FCSK: variants seen among roughly 807,000 people sequenced by gnomAD.
The protein encoded by FCSK is L-fucose kinase.
In FCSK, 123 loss-of-function variants were observed where a neutral mutation model predicts 122.5. That is an observed-to-expected ratio of 1.00 (90% CI 0.87 to 1.17). The LOEUF (loss-of-function observed/expected upper bound fraction) is 1.17, where lower values mean the gene tolerates loss of function less well. Ranked by LOEUF, FCSK falls within the 50% of genes most tolerant of loss-of-function variation. The pLI, the probability that FCSK is intolerant of heterozygous loss-of-function variation, is 0.00. For synonymous variants in FCSK, 620 were observed against 625.5 expected, an observed-to-expected ratio of 0.99 and a Z score of 0.13; for missense variants, 1,366 against 1,450.4, an observed-to-expected ratio of 0.94 and a Z score of 0.95.
intron 13 of FCSK, among the ~76,000 whole-genome samples, chr16:70,472,227 C>T (rs2048648683): frequency 6.6e-6 from 1 of 152,140 alleles, no homozygotes; most frequent in South Asian, 2.1e-4. Flanking sequence ...GGTTCTGCTC[C>T]AGATTTCAGG....
rs756681841 is a variant in FCSK, at chr16:70,467,602, C to T, written c.582+131C>T. ...TGTTCCTGAATCCAAGGAGTTTCCT[C>T]CGTGGCAGTGGCACCAGTGCTCCCT... On this transcript the variant is annotated intron_variant, in intron 7 of 23. Transcript: ENST00000288078. 4.0e-6 allele frequency: 3 copies of T among 743,332 alleles called. No homozygotes were observed. In the South Asian group the frequency reaches 5.3e-5, roughly 13 times the overall value. 46.0% of individuals were successfully genotyped at this position (743,332 alleles called of 1,614,324 possible).
intron 13 of FCSK, among the ~76,000 whole-genome samples, chr16:70,472,238 C>T (rs2151721482): frequency 6.6e-6 from 1 of 152,300 alleles, no homozygotes; most frequent in East Asian, 1.9e-4. Flanking sequence ...AGATTTCAGG[C>T]ACCTTGGCGG....
intron 20 of FCSK, chr16:70,477,984 T>C (rs1024414348): frequency 8.1e-5 from 32 of 395,216 alleles, no homozygotes; most frequent in African/African-American, 6.1e-4. Context: ...TGCCCGGCCA[T>C]AGTGTAAAAT....
At chr16:70,455,656 C>T (rs1597593080) in intron 1 of FCSK, among the ~76,000 whole-genome samples, 1 of 151,310 alleles carries the variant, frequency 6.6e-6, no homozygotes, top group Non-Finnish European at 1.5e-5. Context: ...CTGTGGGAGG[C>T]GGAAGCAGGT....
At chr16:70,464,964 A>G (rs2048372321) in intron 3 of FCSK, 162 bp from the exon 4 acceptor site, 1 of 1,496,516 alleles carries the variant, frequency 6.7e-7, no homozygotes, top group African/African-American at 1.4e-5. Flanking sequence ...AGGAGGGACC[A>G]GGGCTGCCCC....
intron 20 of FCSK, 86 bp downstream of exon 20, chr16:70,475,853 GTGAT>G (rs1299636110): frequency 2.2e-6 from 3 of 1,360,716 alleles, no homozygotes; most frequent in African/African-American, 2.9e-5. Context: ...GGATTTGCAT[GTGAT>G]TGGCCAACAG....
chr16:70,479,089 C>T, intron 22 of FCSK, 91 bp from the exon 23 acceptor site: 1 of 993,532 alleles, frequency 1.0e-6, no homozygotes, highest in Non-Finnish European at 1.5e-6. Context: ...ATGACACTGG[C>T]TCAGCAGCAC....
At chr16:70,461,724 C>T (rs1296860491) in intron 1 of FCSK, among the ~76,000 whole-genome samples, 1 of 152,186 alleles carries the variant, frequency 6.6e-6, no homozygotes, top group African/African-American at 2.4e-5. Context: ...GCCTTCCTTT[C>T]CCCCTTGCTT....
intron 4 of FCSK, 113 bp downstream of exon 4, chr16:70,465,289 A>G (rs1437263489): frequency 4.6e-6 from 5 of 1,088,494 alleles, no homozygotes; most frequent in South Asian, 3.1e-5. Flanking sequence ...GAAATCTGAA[A>G]GATTCTAAAT....
rs1176482267 is a variant in FCSK, at chr16:70,479,564, T to TA, written c.3154-15_3154-14insA. 1 of 1,610,326 alleles carries TA rather than the reference T, an allele frequency of 6.2e-7. No homozygotes were observed. The highest frequency in any genetic ancestry group is 8.5e-7 in the Non-Finnish European group (1 of 1,177,372). On this transcript the variant is annotated splice_polypyrimidine_tract_variant and intron_variant, in intron 23 of 23. Transcript: ENST00000288078. ...ATTTGTCCAGAGCCTTCTAAATACTTCCTGTCTTGTCCAGGGCCTTGGGAA... is the reference window on the plus strand; with the variant it reads ...ATTTGTCCAGAGCCTTCTAAATACTTACCTGTCTTGTCCAGGGCCTTGGGAA...
intron 4 of FCSK, 61 bp downstream of exon 4, chr16:70,465,237 G>A (rs1034118829): frequency 2.0e-6 from 3 of 1,523,798 alleles, no homozygotes; most frequent in African/African-American, 1.4e-5. Flanking sequence ...GTGGAGTTGA[G>A]CAGGACTTCA....
Position 70,466,123 on chromosome 16 carries a change from G to T in FCSK, c.286-9G>T. ...ACTGAGGCTTCCTCACCAGTCCCCC[G>T]ACTTCCAGGGTCGAGACTTCCCCTT... is the stretch of plus-strand genomic sequence containing the variant. On this transcript the variant is annotated splice_polypyrimidine_tract_variant and intron_variant, in intron 4 of 23. Coordinates refer to ENST00000288078, the MANE Select transcript of FCSK (RefSeq NM_145059.3). 2 of 1,613,018 alleles carry T rather than the reference G, an allele frequency of 1.2e-6. No individual in the cohort carries two copies. The highest frequency in any genetic ancestry group is 2.2e-5 in the South Asian group (2 of 91,000).
intron 1 of FCSK, among the ~76,000 whole-genome samples, chr16:70,462,765 C>T (rs956037406): frequency 6.6e-6 from 1 of 151,942 alleles, no homozygotes; most frequent in African/African-American, 2.4e-5. Context: ...CTGCTTCAGC[C>T]TCCCGAGTAG....
Position 70,473,230 on chromosome 16 carries a change from C to T in FCSK, c.1654C>T (p.Arg552Cys), listed in dbSNP as rs868116498. 36 of 1,535,350 alleles carry T rather than the reference C, an allele frequency of 2.3e-5. No homozygotes were observed. Among genetic ancestry groups the T allele is most frequent in the Middle Eastern group, 2.1e-4 (1 of 4,720 alleles). Residue 552 changes from arginine (R) to cysteine (C), a missense_variant, in exon 15 of 24, where the codon CGC (arginine) becomes TGC (cysteine). Transcript: ENST00000288078. This position sits in a 1 kb window ranked among gnomAD's most constrained non-coding sequence, Gnocchi z 4.9. ...GGCCTCTCGCCGGGACCTGTTCTTC[C>T]GCCAGGCCCTGCATAAGGCGCGGCA... ...TLASRRDLFF[R>C]QALHKARHVL...
In FCSK at chr16:70,478,032, T is replaced by C. The variant is rs575844190; in HGVS notation, c.2642-240T>C. On this transcript the variant is annotated intron_variant, in intron 20 of 23. Transcript: ENST00000288078. ...GTGTGGTTTATCCCAATTCCAATTA[T>C]ACATTAGGTCTAAAACAAAACTCAG... 939 of 547,634 alleles carry C rather than the reference T, an allele frequency of 1.7e-3. 5 individuals are homozygous for C. Among genetic ancestry groups the C allele is most frequent in the South Asian group, 3.2e-3 (133 of 41,182 alleles). 33.9% of individuals were successfully genotyped at this position (547,634 alleles called of 1,614,324 possible).
chr16:70,463,875 C>T, intron 3 of FCSK, 101 bp downstream of exon 3: 1 of 1,262,706 alleles, frequency 7.9e-7, no homozygotes. Flanking sequence ...TTGGCCAACT[C>T]AGCATTGGTC....
chr16:70,475,626 C>A, intron 19 of FCSK, 22 bp from the exon 20 acceptor site: 1 of 1,576,238 alleles, frequency 6.3e-7, no homozygotes. Flanking sequence ...TTCATGTCTG[C>A]TCTCTCCTCT....
intron 3 of FCSK, chr16:70,464,900 C>A: frequency 1.2e-6 from 1 of 842,236 alleles, no homozygotes; most frequent in Non-Finnish European, 1.8e-6. Context: ...ACAACAGCAA[C>A]AAACCAGCCA....
At chr16:70,456,103 T>A (rs1190942982) in intron 1 of FCSK, among the ~76,000 whole-genome samples, 4 of 152,132 alleles carry the variant, frequency 2.6e-5, no homozygotes, top group African/African-American at 7.2e-5. Context: ...GCCCGGGAGT[T>A]TGAGGCTGCA....
Sources: gnomAD v4.1 joint callset for allele counts (sites outside exome capture counted in the v4.1 genomes callset) on GRCh38, gnomAD v4.1.1 for gene constraint, Gnocchi (gnomAD v3.1) non-coding constraint, MANE v1.5 for transcripts, NCBI Gene and HGNC (gene_info 2026-07-23, HGNC 2026-07-21) for gene names.